Variants in MICOS10 observed in about 807,000 individuals in gnomAD.
MICOS10 encodes mitochondrial contact site and cristae organizing system subunit 10.
Under a neutral mutation model 13.4 loss-of-function variants are expected in MICOS10, and 5 were observed. The ratio of observed to expected loss-of-function variants is 0.37; its 90% CI spans 0.20 to 0.78. The LOEUF (loss-of-function observed/expected upper bound fraction) is 0.78. Ranked by LOEUF, MICOS10 falls within the 30% of genes least tolerant of loss-of-function variation. The pLI, the probability that MICOS10 is intolerant of heterozygous loss-of-function variation, is 0.47. For synonymous variants in MICOS10, 35 were observed against 33.6 expected (o/e 1.04, Z -0.15); for missense variants, 101 against 94.6 (o/e 1.07, Z -0.28).
intron 1 of MICOS10, among the ~76,000 whole-genome samples, chr1:19,617,649 C>G (rs889215706): frequency 4.6e-5 from 7 of 152,130 alleles, no homozygotes; most frequent in Admixed American, 3.3e-4. Flanking sequence ...AAACTCAGTT[C>G]CAAGGGTATT....
At chr1:19,621,231 C>T (rs1379967935) in intron 1 of MICOS10, among the ~76,000 whole-genome samples, 2 of 152,162 alleles carry the variant, frequency 1.3e-5, no homozygotes, top group Non-Finnish European at 2.9e-5. Flanking sequence ...TCACACCTAC[C>T]AGGTCAACTT....
At chr1:19,612,348 C>G (rs535396005) in intron 1 of MICOS10, among the ~76,000 whole-genome samples, 17 of 151,882 alleles carry the variant, frequency 1.1e-4, no homozygotes, top group Non-Finnish European at 2.5e-4. Context: ...CGTGCCAAGC[C>G]AATTCTTAGT....
At chr1:19,620,839 T>G (rs1412425153) in intron 1 of MICOS10, among the ~76,000 whole-genome samples, 1 of 152,238 alleles carries the variant, frequency 6.6e-6, no homozygotes, top group Non-Finnish European at 1.5e-5. Context: ...AGAGAGCTTT[T>G]TCTCCTTGGG....
intron 1 of MICOS10, among the ~76,000 whole-genome samples, chr1:19,599,476 T>A (rs1246046930): frequency 6.6e-6 from 1 of 152,172 alleles, no homozygotes; most frequent in African/African-American, 2.4e-5. Flanking sequence ...TGTGGAGTAA[T>A]TAAATGAGGC....
At chr1:19,622,242 G>GA in intron 2 of MICOS10, 95 bp downstream of exon 2, 3 of 968,300 alleles carry the variant, frequency 3.1e-6, no homozygotes, top group Non-Finnish European at 4.6e-6. Flanking sequence ...CCATCAATTT[G>GA]TGGGTTGCCA....
At chr1:19,597,131 C>T in intron 1 of MICOS10, 22 bp downstream of exon 1, 1 of 1,597,198 alleles carries the variant, frequency 6.3e-7, no homozygotes, top group Non-Finnish European at 8.5e-7. Context: ...TTCGCCCCAG[C>T]AGGCCCGGCC....
rs774248192 is a variant in MICOS10 at position 19,597,010 on chromosome 1, C to A, written c.-36C>A. 6.4e-7 allele frequency: 1 copy of A among 1,567,692 alleles called. No individual in the cohort carries two copies. Among genetic ancestry groups the A allele is most frequent in the Non-Finnish European group, 8.6e-7 (1 of 1,160,498 alleles). On this transcript the variant is annotated 5_prime_UTR_variant, in exon 1 of 4. Coordinates refer to ENST00000322753, the MANE Select transcript of MICOS10 (RefSeq NM_001032363.4). ...CTTTCAGGGGTCGGAGCGCGGGGGC[C>A]GGCCGAGAGGAAAGCTGGAGGCGCG... is the stretch of plus-strand genomic sequence containing the variant.
rs376424568 is a variant in MICOS10 at position 19,597,015 on chromosome 1, G to T, written c.-31G>T. 1 of 1,571,854 alleles carries T rather than the reference G, an allele frequency of 6.4e-7. No homozygotes were observed. Among genetic ancestry groups the T allele is most frequent in the Non-Finnish European group, 8.6e-7 (1 of 1,162,604 alleles). On this transcript the variant is annotated 5_prime_UTR_variant, in exon 1 of 4. Transcript: ENST00000322753. ...AGGGGTCGGAGCGCGGGGGCCGGCC[G>T]AGAGGAAAGCTGGAGGCGCGGGTGG...
chr1:19,622,038 T>G (rs2094905473), intron 1 of MICOS10, 62 bp from the exon 2 acceptor site: 1 of 1,231,684 alleles, frequency 8.1e-7, no homozygotes, highest in South Asian at 1.3e-5. Context: ...TAAGAAATGT[T>G]AATGTTATCT....
At chr1:19,617,537 AAC>A (rs1455078914) in intron 1 of MICOS10, among the ~76,000 whole-genome samples, 4 of 152,352 alleles carry the variant, frequency 2.6e-5, no homozygotes, top group Non-Finnish European at 5.9e-5. Flanking sequence ...AGGATTAAGT[AAC>A]ACAGTTTGAA....
At chr1:19,622,920 C>CTTT (rs373297142) in intron 2 of MICOS10, among the ~76,000 whole-genome samples, 1 of 131,920 alleles carries the variant, frequency 7.6e-6, no homozygotes, top group African/African-American at 2.9e-5. Context: ...TATTTTACTA[C>CTTT]TTTTTTTTTT....
intron 1 of MICOS10, chr1:19,608,448 C>A: frequency 7.8e-7 from 1 of 1,280,716 alleles, no homozygotes; most frequent in Non-Finnish European, 1.1e-6. Context: ...GGACCTGGGG[C>A]CCAGTCGGCC....
chr1:19,609,438 A>C (rs1221587418), intron 1 of MICOS10, among the ~76,000 whole-genome samples: 1 of 152,212 alleles, frequency 6.6e-6, no homozygotes, highest in Non-Finnish European at 1.5e-5. Context: ...CTGTTTGGCC[A>C]TTTATTATAA....
chr1:19,625,326 T>G, intron 3 of MICOS10: 1 of 1,266,342 alleles, frequency 7.9e-7, no homozygotes, highest in South Asian at 1.3e-5. Context: ...TCAGGAGCTG[T>G]GGCCACAAGG....
intron 1 of MICOS10, among the ~76,000 whole-genome samples, chr1:19,604,865 G>T (rs939916740): frequency 1.2e-4 from 18 of 152,126 alleles, no homozygotes; most frequent in Non-Finnish European, 4.4e-5. Flanking sequence ...TTAATAGGTG[G>T]ACCAGGTGGG....
intron 1 of MICOS10, among the ~76,000 whole-genome samples, chr1:19,610,003 G>T (rs944790466): frequency 1.7e-4 from 26 of 152,110 alleles, no homozygotes; most frequent in African/African-American, 6.0e-4. Context: ...TTAGCTGGGT[G>T]TGGTGGTGCT....
chr1:19,625,620 A>T (rs1376863003), intron 3 of MICOS10: 1 of 1,288,720 alleles, frequency 7.8e-7, no homozygotes, highest in Non-Finnish European at 1.0e-6. Context: ...AGGAGCAGAC[A>T]GAGAAGCTTC....
intron 1 of MICOS10, among the ~76,000 whole-genome samples, chr1:19,603,163 C>G (rs1401883644): frequency 6.6e-6 from 1 of 152,072 alleles, no homozygotes; most frequent in African/African-American, 2.4e-5. Flanking sequence ...AACCCCATCT[C>G]TACTAAAAAT....
intron 1 of MICOS10, chr1:19,608,376 T>C: frequency 8.0e-7 from 1 of 1,250,738 alleles, no homozygotes; most frequent in Non-Finnish European, 1.2e-6. Flanking sequence ...TGCAAGGAGC[T>C]GGGTATCATT....
Sources: gnomAD v4.1 joint callset for allele counts (sites outside exome capture counted in the v4.1 genomes callset) on GRCh38, gnomAD v4.1.1 for gene constraint, MANE v1.5 for transcripts, NCBI Gene and HGNC (gene_info 2026-07-23, HGNC 2026-07-21) for gene names.